Variants in CCDC178 observed in about 807,000 individuals in gnomAD.
The protein encoded by CCDC178 is coiled-coil domain containing 178, also known as coiled-coil domain-containing protein 178.
A neutral mutation model predicts 117.4 loss-of-function variants in CCDC178; 126 were observed. The observed-to-expected ratio is 1.07, with a 90% CI of 0.93 to 1.24. CCDC178 has a LOEUF of 1.24. CCDC178 is among the 50% of genes most tolerant of loss of function. CCDC178 has a pLI of 0.00. For synonymous variants in CCDC178, 283 were observed against 313.4 expected, an observed-to-expected ratio of 0.90 and a Z score of 1.02; for missense variants, 1,030 against 986.9, an observed-to-expected ratio of 1.04 and a Z score of -0.59.
intron 11 of CCDC178, among the ~76,000 whole-genome samples, chr18:33,320,236 T>C (rs1019819415): frequency 1.4e-4 from 21 of 152,334 alleles, no homozygotes; most frequent in African/African-American, 5.1e-4. Flanking sequence ...TTGGAAGTTC[T>C]GGCCAGGGCA....
intron 14 of CCDC178, among the ~76,000 whole-genome samples, chr18:33,266,080 A>G (rs2059810239): frequency 6.6e-6 from 1 of 152,026 alleles, no homozygotes; most frequent in South Asian, 2.1e-4. Context: ...GATAAGACAT[A>G]CATAAGATCC....
intron 21 of CCDC178, among the ~76,000 whole-genome samples, chr18:33,058,049 G>A (rs999710847): frequency 6.6e-6 from 1 of 151,922 alleles, no homozygotes; most frequent in African/African-American, 2.4e-5. Flanking sequence ...CATTGCTGAT[G>A]GGATTGTAAA....
chr18:33,008,641 C>T (rs2055798565), intron 21 of CCDC178, among the ~76,000 whole-genome samples: 2 of 152,002 alleles, frequency 1.3e-5, no homozygotes, highest in South Asian at 4.1e-4. Flanking sequence ...GTTGTATAAG[C>T]TGTCTCTACT....
chr18:33,306,076 C>T (rs1213351143), intron 11 of CCDC178, among the ~76,000 whole-genome samples: 1 of 152,168 alleles, frequency 6.6e-6, no homozygotes, highest in African/African-American at 2.4e-5. Context: ...TTCCTCTTTC[C>T]TTCTCTGCCT....
chr18:33,117,375 T>C (rs1260786007), intron 20 of CCDC178, among the ~76,000 whole-genome samples: 1 of 152,066 alleles, frequency 6.6e-6, no homozygotes, highest in Non-Finnish European at 1.5e-5. Context: ...CAACATTGAC[T>C]TCCACTCACC....
At chr18:33,269,156 C>T (rs543623156) in intron 12 of CCDC178, among the ~76,000 whole-genome samples, 1 of 151,884 alleles carries the variant, frequency 6.6e-6, no homozygotes, top group East Asian at 1.9e-4. Flanking sequence ...TTTACCAGCA[C>T]AAAAACTCTC....
intron 21 of CCDC178, among the ~76,000 whole-genome samples, chr18:33,069,167 C>T (rs1300272334): frequency 1.3e-5 from 2 of 151,986 alleles, no homozygotes; most frequent in African/African-American, 2.4e-5. Flanking sequence ...ACAGTCATCA[C>T]AGAAATCTTA....
At chr18:33,277,301 G>T (rs1159363501) in intron 12 of CCDC178, among the ~76,000 whole-genome samples, 1 of 151,946 alleles carries the variant, frequency 6.6e-6, no homozygotes, top group African/African-American at 2.4e-5. Flanking sequence ...AATATAACTA[G>T]TTAGAAGAAT....
At chr18:33,395,934 T>G (rs1226619912) in intron 4 of CCDC178, among the ~76,000 whole-genome samples, 1 of 152,078 alleles carries the variant, frequency 6.6e-6, no homozygotes, top group Non-Finnish European at 1.5e-5. Context: ...TAGGATTTCC[T>G]TGAATAATAT....
Position 33,389,610 on chromosome 18 carries a change from A to C in CCDC178, c.138T>G (p.Ser46Arg). 1 of 1,503,524 alleles carries C rather than the reference A, an allele frequency of 6.7e-7. No homozygotes were observed. Among genetic ancestry groups the C allele is most frequent in the Non-Finnish European group, 8.9e-7 (1 of 1,128,560 alleles). 93.1% of individuals were successfully genotyped at this position (1,503,524 alleles called of 1,614,324 possible). The change falls in exon 5 of 23, where the codon AGT (serine) becomes AGG (arginine). Residue 46 changes from serine to arginine, a missense_variant. By Grantham distance (110) the Ser-to-Arg change is moderately radical (BLOSUM62 -1). Coordinates refer to ENST00000383096, the MANE Select transcript of CCDC178 (RefSeq NM_001105528.4). ...CCTTAGAGGCTCCATATAGAACCAA[A>C]CTTTGAGACATGGCATTGCCTTTTA... is the stretch of plus-strand genomic sequence containing the variant. ...RTNEGNAMSQ[S>R]LVLYGASKEN...
At chr18:32,983,488 G>T (rs1030712570) in intron 21 of CCDC178, 8 of 546,136 alleles carry the variant, frequency 1.5e-5, no homozygotes, top group Non-Finnish European at 2.6e-5. Context: ...ACAAAGAAGA[G>T]AAAAAAATGC....
chr18:33,208,344 A>T (rs2059069917), intron 20 of CCDC178, among the ~76,000 whole-genome samples: 1 of 152,054 alleles, frequency 6.6e-6, no homozygotes, highest in South Asian at 2.1e-4. Flanking sequence ...CATTTCCCAC[A>T]ATTTAGACCA....
At chr18:32,962,337 C>G (rs1489455426) in intron 22 of CCDC178, among the ~76,000 whole-genome samples, 1 of 151,990 alleles carries the variant, frequency 6.6e-6, no homozygotes, top group African/African-American at 2.4e-5. Context: ...CAGTATATTT[C>G]TCATAGCTAT....
intron 6 of CCDC178, among the ~76,000 whole-genome samples, chr18:33,368,655 G>C (rs191687509): frequency 6.6e-6 from 1 of 151,994 alleles, no homozygotes; most frequent in East Asian, 1.9e-4. Context: ...AACAGACAGA[G>C]GGTGTGTGAA....
At chr18:33,439,321 T>G (rs1397789749) in intron 2 of CCDC178, among the ~76,000 whole-genome samples, 1 of 152,204 alleles carries the variant, frequency 6.6e-6, no homozygotes, top group African/African-American at 2.4e-5. Flanking sequence ...TAAGGTTGTG[T>G]TGAATCTGAG....
At chr18:32,949,697 A>C (rs915340885) in intron 22 of CCDC178, among the ~76,000 whole-genome samples, 14 of 152,076 alleles carry the variant, frequency 9.2e-5, no homozygotes, top group African/African-American at 2.7e-4. Context: ...GTTCTGTGTC[A>C]GTTTTAATTG....
intron 20 of CCDC178, among the ~76,000 whole-genome samples, chr18:33,181,971 C>T (rs1249177644): frequency 1.3e-5 from 2 of 151,662 alleles, no homozygotes; most frequent in East Asian, 3.9e-4. Flanking sequence ...ATTACAGCAC[C>T]TTATACCACA....
At chr18:33,208,434 A>G (rs2144579512) in intron 20 of CCDC178, among the ~76,000 whole-genome samples, 1 of 152,148 alleles carries the variant, frequency 6.6e-6, no homozygotes, top group Middle Eastern at 3.4e-3. Context: ...TACTGTTTGT[A>G]ATTTGGATGT....
At chr18:32,991,556 C>A (rs1393298867) in intron 21 of CCDC178, among the ~76,000 whole-genome samples, 1 of 152,158 alleles carries the variant, frequency 6.6e-6, no homozygotes, top group Non-Finnish European at 1.5e-5. Context: ...AGTTTTATTT[C>A]AAAATGGTAA....
Sources: gnomAD v4.1 joint callset for allele counts (sites outside exome capture counted in the v4.1 genomes callset) on GRCh38, gnomAD v4.1.1 for gene constraint, MANE v1.5 for transcripts, NCBI Gene and HGNC (gene_info 2026-07-23, HGNC 2026-07-21) for gene names.